MTUS2: variants seen among roughly 807,000 people sequenced by gnomAD.
MTUS2 encodes microtubule-associated tumor suppressor candidate 2.
A neutral mutation model predicts 114.1 loss-of-function variants in MTUS2; 40 were observed. The observed-to-expected ratio is 0.35, with a 90% CI of 0.27 to 0.46. MTUS2 has a LOEUF of 0.46. Among genes scored for constraint, MTUS2 ranks in the 20% least tolerant of loss-of-function variants. The pLI, the probability that MTUS2 is intolerant of heterozygous loss-of-function variation, is 1.00. For missense variants in MTUS2, 1,679 were observed against 1,705.4 expected, an observed-to-expected ratio of 0.98 and a Z score of 0.27; for synonymous variants, 688 against 672.0, an observed-to-expected ratio of 1.02 and a Z score of -0.37.
chr13:29,040,596 C>G (rs768424277), intron 4 of MTUS2, among the ~76,000 whole-genome samples: 5 of 152,210 alleles, frequency 3.3e-5, no homozygotes. Flanking sequence ...ATAAGTGTTC[C>G]CTTTTCACCA....
At chr13:28,931,645 T>A (rs1283741226) in intron 2 of MTUS2, among the ~76,000 whole-genome samples, 1 of 152,198 alleles carries the variant, frequency 6.6e-6, no homozygotes, top group East Asian at 1.9e-4. Context: ...GAAAATGGAC[T>A]AATACAGCAT....
In MTUS2 at chr13:29,028,659, C is replaced by T. The variant is rs76204434; in HGVS notation, c.2205+1756C>T. Among the ~76,000 whole-genome samples, 239 of 152,064 alleles carry T rather than the reference C, an allele frequency of 1.6e-3. 4 individuals carry two copies. In the East Asian group the frequency reaches 0.018, roughly 12 times the overall value. ...AAGGCCACCCATCTTCTCTCTGAAT[C>T]CCTTTTCTCTGATTTATTTCTTCCT... On this transcript the variant is annotated intron_variant, in intron 3 of 15. Transcript: ENST00000612955.
At position 29,107,596 on chromosome 13, in the gene MTUS2, A is replaced by T. The variant is rs143068606; in HGVS notation, c.2644+6626A>T. Among the ~76,000 whole-genome samples the T allele has an allele frequency of 5.5e-3, 834 of 152,302 alleles. 3 individuals are homozygous for T. Among genetic ancestry groups the T allele is most frequent in the Admixed American group, 0.01 (155 of 15,298 alleles). ...AATTTACATAAGCCAAAGAGTAGAA[A>T]ACCCTTTGAACTCTAAATATATTCA... On this transcript the variant is annotated intron_variant, in intron 5 of 15. Coordinates refer to ENST00000612955, the MANE Select transcript of MTUS2 (RefSeq NM_001033602.4).
At chr13:28,832,686 T>C (rs951662465) in intron 1 of MTUS2, among the ~76,000 whole-genome samples, 1 of 147,490 alleles carries the variant, frequency 6.8e-6, no homozygotes, top group African/African-American at 2.5e-5. Flanking sequence ...ATTATATATT[T>C]ATATAAATAT....
At chr13:28,974,923 A>G (rs1884020289) in intron 2 of MTUS2, among the ~76,000 whole-genome samples, 1 of 152,236 alleles carries the variant, frequency 6.6e-6, no homozygotes, top group Admixed American at 6.5e-5. Context: ...TATGTATACA[A>G]AGAAAATATG....
intron 2 of MTUS2, among the ~76,000 whole-genome samples, chr13:28,842,609 G>A (rs1484078075): frequency 2.0e-5 from 3 of 152,102 alleles, no homozygotes; most frequent in Non-Finnish European, 2.9e-5. Context: ...ATAATTTATC[G>A]CTGTATGGTC....
intron 5 of MTUS2, among the ~76,000 whole-genome samples, chr13:29,211,021 C>T (rs371597852): frequency 6.6e-6 from 1 of 152,026 alleles, no homozygotes; most frequent in African/African-American, 2.4e-5. Context: ...ATGGGCAGGG[C>T]CATAGAGTTC....
intron 5 of MTUS2, among the ~76,000 whole-genome samples, chr13:29,124,877 G>A (rs1253517880): frequency 6.6e-6 from 1 of 152,160 alleles, no homozygotes; most frequent in African/African-American, 2.4e-5. Context: ...GGAGGTACCT[G>A]GAGTACTCAG....
At chr13:29,259,080 T>C (rs1897376385) in intron 5 of MTUS2, among the ~76,000 whole-genome samples, 1 of 152,202 alleles carries the variant, frequency 6.6e-6, no homozygotes, top group African/African-American at 2.4e-5. Flanking sequence ...CAAACATTCT[T>C]CAATTGCATG....
At chr13:28,839,259 G>A (rs149847762) in intron 1 of MTUS2, among the ~76,000 whole-genome samples, 1 of 152,128 alleles carries the variant, frequency 6.6e-6, no homozygotes, top group Non-Finnish European at 1.5e-5. Flanking sequence ...TATTAATGTT[G>A]TTAATACTGT....
At chr13:29,428,761 CGT>C in intron 8 of MTUS2, 2 of 1,603,140 alleles carry the variant, frequency 1.2e-6, no homozygotes, top group South Asian at 2.2e-5. Flanking sequence ...GCGCCCCTTT[CGT>C]GTGTGCCGGT....
chr13:29,392,148 A>ACC (rs550098693), intron 8 of MTUS2, among the ~76,000 whole-genome samples: 38 of 4,890 alleles, frequency 7.8e-3, no homozygotes, highest in Middle Eastern at 0.5. Context: ...AAACAAACCA[A>ACC]AAAAAAAAAA....
At chr13:28,996,476 G>C (rs533648947) in intron 2 of MTUS2, among the ~76,000 whole-genome samples, 17 of 152,088 alleles carry the variant, frequency 1.1e-4, no homozygotes, top group Non-Finnish European at 2.5e-4. Context: ...AGGAATGGTA[G>C]CAGCTCCTCC....
chr13:29,501,599 C>CT (rs1279804374), intron 15 of MTUS2, among the ~76,000 whole-genome samples: 1 of 152,216 alleles, frequency 6.6e-6, no homozygotes. Context: ...GGGCCACGCT[C>CT]TGAGGTGCCC....
intron 4 of MTUS2, among the ~76,000 whole-genome samples, chr13:29,065,656 A>T (rs115295251): frequency 2.0e-5 from 3 of 152,210 alleles, no homozygotes; most frequent in Non-Finnish European, 2.9e-5. Context: ...GTGGGATTGC[A>T]GTAATTTTTA....
At chr13:28,918,094 A>T (rs922586931) in intron 2 of MTUS2, among the ~76,000 whole-genome samples, 2 of 151,972 alleles carry the variant, frequency 1.3e-5, no homozygotes, top group Non-Finnish European at 2.9e-5. Context: ...GTGACATAAC[A>T]TATGGTCTAT....
chr13:28,929,215 A>G (rs1332714803), intron 2 of MTUS2, among the ~76,000 whole-genome samples: 1 of 152,172 alleles, frequency 6.6e-6, no homozygotes, highest in Non-Finnish European at 1.5e-5. Flanking sequence ...GTAGAAATGT[A>G]CAGTTAGCTC....
At chr13:28,824,718 A>G (rs921795237) in intron 1 of MTUS2, among the ~76,000 whole-genome samples, 12 of 150,598 alleles carry the variant, frequency 8.0e-5, no homozygotes, top group African/African-American at 2.4e-4. Flanking sequence ...GAGTGTCTCC[A>G]TAGGCCAGGC....
At chr13:28,882,100 C>T (rs7337992) in intron 2 of MTUS2, among the ~76,000 whole-genome samples, 7 of 152,114 alleles carry the variant, frequency 4.6e-5, no homozygotes, top group African/African-American at 1.2e-4. Flanking sequence ...TGCTCTGTCT[C>T]CCAGGCTGGA....
Sources: allele counts gnomAD v4.1 joint callset (sites outside exome capture counted in the v4.1 genomes callset), GRCh38; gene constraint gnomAD v4.1.1; transcripts MANE v1.5; gene names NCBI Gene and HGNC (gene_info 2026-07-23, HGNC 2026-07-21).